The following CRHR2 variants were observed in gnomAD, a reference collection of about 807,000 sequenced individuals.
The protein encoded by CRHR2 is corticotropin-releasing hormone receptor 2.
A neutral mutation model predicts 57.9 loss-of-function variants in CRHR2; 53 were observed. The observed-to-expected ratio is 0.92, with a 90% confidence interval of 0.73 to 1.15. The LOEUF (loss-of-function observed/expected upper bound fraction) is 1.15. CRHR2 is among the 50% of genes most tolerant of loss of function. The probability of loss-of-function intolerance (pLI) is 0.00; values close to 1 mark genes in which losing one functional copy is unlikely to be tolerated. For synonymous variants in CRHR2, 213 were observed against 220.9 expected, an observed-to-expected ratio of 0.96 and a Z score of 0.32; for missense variants, 532 against 542.6, an observed-to-expected ratio of 0.98 and a Z score of 0.19.
Position 30,662,209 on chromosome 7 carries a change from G to A in CRHR2, c.705C>T (p.Pro235=). 1 of 1,614,144 alleles carries A rather than the reference G, an allele frequency of 6.2e-7. No individual in the cohort carries two copies. The highest frequency in any genetic ancestry group is 8.5e-7 in the Non-Finnish European group (1 of 1,180,034). Reference sequence around the variant, plus strand: ...TGGCCCAGGCGACGATGATGGGGAAGGGGATGCCTGAAAGAAGGAAAGACT... The same window carrying A: ...TGGCCCAGGCGACGATGATGGGGAAAGGGATGCCTGAAAGAAGGAAAGACT... The part of the protein sequence containing the change: ...CLFLFIGWCI[P]FPIIVAWAIG... Residue 235 remains proline, a synonymous_variant, in exon 7 of 12, where the codon CCC becomes CCT. Transcript: ENST00000471646.
At chr7:30,658,924 G>A (rs939941224) in intron 8 of CRHR2, among the ~76,000 whole-genome samples, 6 of 152,034 alleles carry the variant, frequency 3.9e-5, no homozygotes, top group Non-Finnish European at 5.9e-5. Flanking sequence ...CACCAAACAC[G>A]TGTCCAACCT....
At chr7:30,667,993 A>G (rs1784239276) in intron 2 of CRHR2, among the ~76,000 whole-genome samples, 1 of 152,228 alleles carries the variant, frequency 6.6e-6, no homozygotes, top group African/African-American at 2.4e-5. Flanking sequence ...AACAGGAATG[A>G]GTGAATGCTG....
chr7:30,678,261 TGTTAC>T (rs1218038508), intron 2 of CRHR2, among the ~76,000 whole-genome samples: 4 of 152,256 alleles, frequency 2.6e-5, no homozygotes, highest in African/African-American at 9.6e-5. Flanking sequence ...ATCCTTGTTC[TGTTAC>T]AAGTGACTTC....
intron 1 of CRHR2, among the ~76,000 whole-genome samples, chr7:30,699,469 TG>T (rs1785124131): frequency 7.4e-6 from 1 of 135,746 alleles, no homozygotes. Flanking sequence ...TGCGGGTCCC[TG>T]GGGGTAAGGG....
At position 30,655,624 on chromosome 7, in the gene CRHR2, G is replaced by A. The variant is rs1007385607; in HGVS notation, c.1009C>T (p.Gln337Ter). 5.6e-6 allele frequency: 9 copies of A among 1,614,030 alleles called. No homozygotes were observed. In the Admixed American group the frequency reaches 8.3e-5, roughly 15 times the overall value. The change falls in exon 10 of 12, where the codon CAG becomes TAG. Residue 337 changes from glutamine (Q) to a stop codon, truncating the protein, a stop_gained. Transcript: ENST00000471646. LOFTEE classifies it high-confidence loss of function. Reference sequence around the variant, plus strand: ...GAGTTGAAATAGATGAACATGATCTGTGACAGGTCGTCCTCCCCGGGATTG... The same window carrying A: ...GAGTTGAAATAGATGAACATGATCTATGACAGGTCGTCCTCCCCGGGATTG... ...FVNPGEDDLS[Q>*]IMFIYFNSFL...
chr7:30,671,750 T>C (rs1784359908), intron 2 of CRHR2, among the ~76,000 whole-genome samples: 2 of 151,442 alleles, frequency 1.3e-5, no homozygotes, highest in South Asian at 4.2e-4. Flanking sequence ...GAGGTTGTGG[T>C]GAGCTGAGAT....
In CRHR2 at chr7:30,655,711, C is replaced by A. The variant is rs1011627405; in HGVS notation, c.922G>T (p.Ala308Ser). 6.8e-6 allele frequency: 11 copies of A among 1,613,294 alleles called. No individual in the cohort carries two copies. Among genetic ancestry groups the A allele is most frequent in the Non-Finnish European group, 9.3e-6 (11 of 1,179,518 alleles). ...AGGAGCACCAGGGTGGCCTTCACTGCCTTCCTGGGGGCGAGAGGTGGACAC... is the reference window on the plus strand; with the variant it reads ...AGGAGCACCAGGGTGGCCTTCACTGACTTCCTGGGGGCGAGAGGTGGACAC... ...TTSETIQYRK[A>S]VKATLVLLPL... The change falls in exon 10 of 12, where the codon GCA becomes TCA. Residue 308 changes from alanine (A) to serine (S), a missense_variant. Coordinates refer to ENST00000471646, the MANE Select transcript of CRHR2 (RefSeq NM_001883.5).
At chr7:30,696,432 AAAATT>A (rs1461904184) in intron 1 of CRHR2, among the ~76,000 whole-genome samples, 1 of 152,198 alleles carries the variant, frequency 6.6e-6, no homozygotes, top group Non-Finnish European at 1.5e-5. Context: ...ATTAAAAATA[AAAATT>A]AAGGCCAGGC....
chr7:30,655,872 G>T lies in CRHR2; in HGVS notation c.917+55C>A. 7 of 1,600,010 alleles carry T rather than the reference G, an allele frequency of 4.4e-6. No homozygotes were observed. In the South Asian group the frequency reaches 7.7e-5, roughly 18 times the overall value. On this transcript the variant is annotated intron_variant, in intron 9 of 11. Coordinates refer to ENST00000471646, the MANE Select transcript of CRHR2 (RefSeq NM_001883.5). ...GGGCTCTGCCAGGAAGCAGGGGGAC[G>T]GCCCGATGACCTCCTCCTGTCCCCA... is the stretch of plus-strand genomic sequence containing the variant.
At chr7:30,654,580 A>G in intron 11 of CRHR2, 1 of 1,144,092 alleles carries the variant, frequency 8.7e-7, no homozygotes, top group East Asian at 2.6e-5. Flanking sequence ...TGGCTTGCAC[A>G]TGCCAAGCTT....
At position 30,661,919 on chromosome 7, in the gene CRHR2, G is replaced by C. The variant is rs560490018; in HGVS notation, c.758+237C>G. On this transcript the variant is annotated intron_variant, in intron 7 of 11. Coordinates refer to ENST00000471646, the MANE Select transcript of CRHR2 (RefSeq NM_001883.5). Reference sequence around the variant, plus strand: ...CCAAAGGGGTCATGCGTTGGGTCGGGGGGCACTTCAAGGAACCACAATTCC... The same window carrying C: ...CCAAAGGGGTCATGCGTTGGGTCGGCGGGCACTTCAAGGAACCACAATTCC... Among the ~76,000 whole-genome samples, 2 of 152,330 alleles carry C rather than the reference G, an allele frequency of 1.3e-5. 1 individual carries two copies. The highest frequency in any genetic ancestry group is 2.9e-5 in the Non-Finnish European group (2 of 68,026).
At chr7:30,661,037 G>A (rs922923083) in intron 7 of CRHR2, among the ~76,000 whole-genome samples, 1 of 152,218 alleles carries the variant, frequency 6.6e-6, no homozygotes, top group South Asian at 2.1e-4. Context: ...CTTGAAACCC[G>A]CTGTTCCGTG....
exon 1 of CRHR2, chr7:30,700,099 GCCCCA>G: frequency 2.6e-6 from 3 of 1,135,308 alleles, no homozygotes; most frequent in Non-Finnish European, 3.5e-6. Flanking sequence ...ACCCTGGCCA[GCCCCA>G]CCCCACCCGG....
At chr7:30,692,962 T>G (rs1466541639) in intron 1 of CRHR2, among the ~76,000 whole-genome samples, 1 of 152,124 alleles carries the variant, frequency 6.6e-6, no homozygotes, top group Non-Finnish European at 1.5e-5. Flanking sequence ...AGTGAAGACC[T>G]GTGGGTCACG....
intron 2 of CRHR2, among the ~76,000 whole-genome samples, chr7:30,688,615 C>G (rs1784900579): frequency 6.6e-6 from 1 of 152,218 alleles, no homozygotes; most frequent in South Asian, 2.1e-4. Flanking sequence ...GCAAGGGTCA[C>G]CCCCACTCCC....
At chr7:30,682,598 C>A (rs1784762837), upstream of CRHR2, 8 of 916,846 alleles carry the variant, frequency 8.7e-6, no homozygotes, top group Non-Finnish European at 9.6e-6. Context: ...GCCCTCCACC[C>A]TGCCCAAAGT....
rs369539868 is a variant in CRHR2, at chr7:30,665,950, T to C, written c.316-311A>G. On this transcript the variant is annotated intron_variant, in intron 3 of 11. Transcript: ENST00000471646. This position sits in a 1 kb window ranked among gnomAD's most constrained non-coding sequence, Gnocchi z 4.5. The stretch of plus-strand genomic sequence containing the variant: ...ATCACAGTGCACCGCAGCCTTGATC[T>C]GCAGGCCTGAAGCAATCCTCCCACC... 5.6e-4 allele frequency among the ~76,000 whole-genome samples: 85 copies of C among 152,314 alleles called. No homozygotes were observed. Among genetic ancestry groups the C allele is most frequent in the African/African-American group, 2.0e-3 (84 of 41,568 alleles).
chr7:30,699,924 C>A, intron 1 of CRHR2: 1 of 1,503,000 alleles, frequency 6.7e-7, no homozygotes, highest in Non-Finnish European at 8.9e-7. Flanking sequence ...ACCTCGTGGA[C>A]TCCCACTCCC....
intron 2 of CRHR2, among the ~76,000 whole-genome samples, chr7:30,680,352 G>C (rs1076294): frequency 0.47 from 71,814 of 152,142 alleles, 19,558 homozygotes; most frequent in Non-Finnish European, 0.61. Context: ...CCCTGGGAAG[G>C]GGGGGCCCCC....
Sources: gnomAD v4.1 joint callset for allele counts (sites outside exome capture counted in the v4.1 genomes callset) on GRCh38, gnomAD v4.1.1 for gene constraint, Gnocchi (gnomAD v3.1) non-coding constraint, MANE v1.5 for transcripts, NCBI Gene and HGNC (gene_info 2026-07-23, HGNC 2026-07-21) for gene names.